The following SLC9A9 variants were observed in gnomAD, a reference collection of about 807,000 sequenced individuals.
The protein encoded by SLC9A9 is solute carrier family 9 member A9.
SLC9A9 carries 62 observed loss-of-function variants against 77.8 expected under a neutral mutation model. The observed-to-expected ratio is 0.80, with a 90% CI of 0.65 to 0.98. The LOEUF is 0.98. Ranked by LOEUF, SLC9A9 falls within the 50% of genes least tolerant of loss-of-function variation. SLC9A9 has a pLI of 0.00. For missense variants in SLC9A9, 775 were observed against 774.9 expected, an observed-to-expected ratio of 1.00 and a Z score of 0.00; for synonymous variants, 320 against 283.5, an observed-to-expected ratio of 1.13 and a Z score of -1.29.
At chr3:143,447,807 G>A (rs2034872475) in intron 12 of SLC9A9, among the ~76,000 whole-genome samples, 1 of 152,144 alleles carries the variant, frequency 6.6e-6, no homozygotes, top group South Asian at 2.1e-4. Flanking sequence ...TGAAGAACAC[G>A]TGCTTGTATC....
intron 5 of SLC9A9, among the ~76,000 whole-genome samples, chr3:143,671,438 A>C (rs1168535748): frequency 6.6e-6 from 1 of 152,166 alleles, no homozygotes; most frequent in Non-Finnish European, 1.5e-5. Flanking sequence ...GATAATCTTA[A>C]AATTTGCTGC....
At chr3:143,746,330 T>G (rs1935195846) in intron 4 of SLC9A9, among the ~76,000 whole-genome samples, 1 of 152,210 alleles carries the variant, frequency 6.6e-6, no homozygotes, top group Non-Finnish European at 1.5e-5. Flanking sequence ...GTCCCCTGAG[T>G]GTCAGATACT....
intron 8 of SLC9A9, among the ~76,000 whole-genome samples, chr3:143,557,513 G>C (rs927303091): frequency 6.6e-6 from 1 of 152,178 alleles, no homozygotes; most frequent in Non-Finnish European, 1.5e-5. Context: ...ACTTCCTAGA[G>C]ACTTCAGGGA....
At chr3:143,751,377 G>A (rs1443672516) in intron 4 of SLC9A9, among the ~76,000 whole-genome samples, 3 of 152,188 alleles carry the variant, frequency 2.0e-5, no homozygotes, top group Non-Finnish European at 1.5e-5. Context: ...GCGGCAAAGA[G>A]GGCCCTTAGC....
intron 6 of SLC9A9, among the ~76,000 whole-genome samples, chr3:143,622,162 G>A (rs2038228887): frequency 6.6e-6 from 1 of 152,210 alleles, no homozygotes; most frequent in Admixed American, 6.5e-5. Flanking sequence ...AAGTGATGGG[G>A]AGAATGGAAC....
intron 4 of SLC9A9, among the ~76,000 whole-genome samples, chr3:143,748,725 C>T (rs1352317913): frequency 1.2e-4 from 14 of 118,576 alleles, no homozygotes; most frequent in African/African-American, 4.7e-4. Flanking sequence ...GAGACGGAGT[C>T]TCGCTCTGTC....
At chr3:143,523,796 A>G (rs553172907) in intron 9 of SLC9A9, among the ~76,000 whole-genome samples, 10 of 152,318 alleles carry the variant, frequency 6.6e-5, no homozygotes, top group Non-Finnish European at 1.2e-4. Flanking sequence ...TCATGACAAC[A>G]TTGTGAATAT....
At chr3:143,836,240 C>A (rs2009564096) in intron 1 of SLC9A9, among the ~76,000 whole-genome samples, 1 of 152,178 alleles carries the variant, frequency 6.6e-6, no homozygotes, top group Non-Finnish European at 1.5e-5. Context: ...CTTTAGAAAC[C>A]AGTTTTATAA....
chr3:143,790,706 C>T (rs1171539641), intron 4 of SLC9A9, among the ~76,000 whole-genome samples: 5 of 152,018 alleles, frequency 3.3e-5, no homozygotes, highest in African/African-American at 4.8e-5. Context: ...CAGTATTTAC[C>T]TCATAGGGGT....
chr3:143,747,143 C>T lies in SLC9A9; in HGVS notation c.533+47858G>A, dbSNP rs1015216698. Among the ~76,000 whole-genome samples, 4 of 152,094 alleles carry T rather than the reference C, an allele frequency of 2.6e-5. No individual in the cohort carries two copies. The East Asian group carries it at 5.8e-4, about 22-fold the overall frequency. ...TGTGCAGGCCAGGCAGGGTGGCTCA[C>T]GCCTGCAATCCCAGCACTTTGGGAG... On this transcript the variant is annotated intron_variant, in intron 4 of 15. Transcript: ENST00000316549.
chr3:143,350,998 C>T (rs2032438314), intron 14 of SLC9A9, among the ~76,000 whole-genome samples: 1 of 152,176 alleles, frequency 6.6e-6, no homozygotes, highest in Non-Finnish European at 1.5e-5. Flanking sequence ...CTCACAGCTC[C>T]CTGCTCAACT....
chr3:143,275,999 C>G (rs962883362), intron 14 of SLC9A9, among the ~76,000 whole-genome samples: 7 of 152,122 alleles, frequency 4.6e-5, no homozygotes, highest in Admixed American at 2.0e-4. Flanking sequence ...GATGAGCTTT[C>G]CTGCTGTTTC....
intron 4 of SLC9A9, among the ~76,000 whole-genome samples, chr3:143,775,623 C>T (rs541647374): frequency 2.1e-4 from 32 of 152,236 alleles, no homozygotes; most frequent in Admixed American, 2.0e-3. Context: ...TACCATTTAC[C>T]GGGTATAATT....
At chr3:143,467,270 C>A in intron 11 of SLC9A9, 80 bp from the exon 12 acceptor site, 1 of 1,530,094 alleles carries the variant, frequency 6.5e-7, no homozygotes. Context: ...TTACAATTTG[C>A]TGACACAATT....
At chr3:143,395,134 T>C (rs944111814) in intron 12 of SLC9A9, among the ~76,000 whole-genome samples, 162 of 152,324 alleles carry the variant, frequency 1.1e-3, no homozygotes, top group African/African-American at 3.6e-3. Flanking sequence ...AGAGCCCGCA[T>C]TGCCAAGTCA....
At chr3:143,711,156 T>A (rs1213305936) in intron 4 of SLC9A9, among the ~76,000 whole-genome samples, 2 of 152,234 alleles carry the variant, frequency 1.3e-5, no homozygotes, top group Non-Finnish European at 2.9e-5. Context: ...AATATATTTT[T>A]GAAACCTTTT....
At position 143,382,128 on chromosome 3, in the gene SLC9A9, C is replaced by T. The variant is rs1345757642; in HGVS notation, c.1470-14G>A. 2 of 1,613,690 alleles carry T rather than the reference C, an allele frequency of 1.2e-6. No homozygotes were observed. The highest frequency in any genetic ancestry group is 1.7e-6 in the Non-Finnish European group (2 of 1,179,584). On this transcript the variant is annotated splice_polypyrimidine_tract_variant and intron_variant, in intron 12 of 15. Transcript: ENST00000316549. ...TCCACGCCAACTCTGTTAAACAAAA[C>T]CAAAAACTGGTCAATCCCCTGCTGC...
chr3:143,503,718 C>G, intron 9 of SLC9A9: 2 of 369,636 alleles, frequency 5.4e-6, no homozygotes, highest in Non-Finnish European at 5.3e-6. Context: ...CACCCATGGT[C>G]TTCTAGGTGG....
chr3:143,505,762 T>C (rs2036003941), intron 9 of SLC9A9, among the ~76,000 whole-genome samples: 1 of 152,202 alleles, frequency 6.6e-6, no homozygotes, highest in South Asian at 2.1e-4. Flanking sequence ...ATTAAGTAAG[T>C]AAAGTTAATA....
Sources: gnomAD v4.1 joint callset for allele counts (sites outside exome capture counted in the v4.1 genomes callset) on GRCh38, gnomAD v4.1.1 for gene constraint, MANE v1.5 for transcripts, NCBI Gene and HGNC (gene_info 2026-07-23, HGNC 2026-07-21) for gene names.